The following KCNQ3 variants were observed in gnomAD, a reference collection of about 807,000 sequenced individuals.
KCNQ3 encodes potassium voltage-gated channel subfamily Q member 3.
A neutral mutation model predicts 92.5 loss-of-function variants in KCNQ3; 30 were observed. The ratio of observed to expected loss-of-function variants is 0.32; its 90% CI spans 0.24 to 0.44. The LOEUF (loss-of-function observed/expected upper bound fraction) is 0.44. KCNQ3 is among the 20% of genes least tolerant of loss of function. The pLI is 1.00. For missense variants in KCNQ3, 913 were observed against 1,140.3 expected (o/e 0.80, Z 2.87); for synonymous variants, 450 against 468.8 (o/e 0.96, Z 0.52).
intron 9 of KCNQ3, among the ~76,000 whole-genome samples, chr8:132,150,957 G>A (rs565270189): frequency 1.0e-4 from 14 of 136,810 alleles, no homozygotes; most frequent in South Asian, 2.2e-4. Flanking sequence ...GGCTTTAATC[G>A]TTGAAAAATA....
intron 1 of KCNQ3, among the ~76,000 whole-genome samples, chr8:132,451,276 C>T (rs1421928049): frequency 6.6e-6 from 1 of 152,194 alleles, no homozygotes; most frequent in Admixed American, 6.5e-5. Context: ...TGAGGCCTCC[C>T]CAGCCACGTG....
chr8:132,166,423 C>T (rs2130091003), intron 8 of KCNQ3, among the ~76,000 whole-genome samples: 1 of 152,282 alleles, frequency 6.6e-6, no homozygotes, highest in East Asian at 1.9e-4. Context: ...TGCCATCACT[C>T]CTACCCCAGC....
At chr8:132,234,139 C>G (rs1814728610) in intron 1 of KCNQ3, among the ~76,000 whole-genome samples, 1 of 152,152 alleles carries the variant, frequency 6.6e-6, no homozygotes, top group Admixed American at 6.5e-5. Flanking sequence ...CATAGCTCAA[C>G]AGTGCACAGA....
chr8:132,265,708 CCT>C (rs1376951018), intron 1 of KCNQ3, among the ~76,000 whole-genome samples: 1 of 152,176 alleles, frequency 6.6e-6, no homozygotes, highest in Non-Finnish European at 1.5e-5. Flanking sequence ...AAGGCTGGCC[CCT>C]GTGTCTACCA....
chr8:132,195,692 C>G (rs1827280992), intron 1 of KCNQ3, among the ~76,000 whole-genome samples: 1 of 152,192 alleles, frequency 6.6e-6, no homozygotes, highest in Non-Finnish European at 1.5e-5. Context: ...AAAGGTAAAC[C>G]AGGTTCCCCC....
At position 132,163,449 on chromosome 8, in the gene KCNQ3, T is replaced by C. The variant is rs1202982894; in HGVS notation, c.1262+19A>G. The C allele has an allele frequency of 4.4e-6, 7 of 1,605,902 alleles. No individual in the cohort carries two copies. The highest frequency in any genetic ancestry group is 3.3e-5 in the South Asian group (3 of 90,936). On this transcript the variant is annotated intron_variant, in intron 9 of 14. Transcript: ENST00000388996. ...TGACACAGAGATGTGAAGAAGGGAA[T>C]TCATAATCAGAAACTTACCTGGATG... is the stretch of plus-strand genomic sequence containing the variant.
intron 1 of KCNQ3, among the ~76,000 whole-genome samples, chr8:132,305,797 C>T (rs1817401520): frequency 6.6e-6 from 1 of 152,132 alleles, no homozygotes; most frequent in Admixed American, 6.5e-5. Context: ...TCTGCCGCTT[C>T]AATATTCCTC....
At chr8:132,208,295 G>C (rs752560199) in intron 1 of KCNQ3, among the ~76,000 whole-genome samples, 1 of 151,834 alleles carries the variant, frequency 6.6e-6, no homozygotes, top group African/African-American at 2.4e-5. Context: ...GGGAGAAAGG[G>C]CGGTCAACAG....
intron 1 of KCNQ3, among the ~76,000 whole-genome samples, chr8:132,305,325 G>A (rs76696163): frequency 0.012 from 1,820 of 152,290 alleles, 27 homozygotes; most frequent in Admixed American, 0.034. Context: ...ATGCTCCACA[G>A]ATAAGACCAC....
At chr8:132,367,373 A>G (rs901876670) in intron 1 of KCNQ3, among the ~76,000 whole-genome samples, 8 of 152,206 alleles carry the variant, frequency 5.3e-5, no homozygotes, top group African/African-American at 1.9e-4. Context: ...GTATCTCACT[A>G]ATAAATTAAG....
At chr8:132,345,923 G>A (rs1818674484) in intron 1 of KCNQ3, among the ~76,000 whole-genome samples, 1 of 151,494 alleles carries the variant, frequency 6.6e-6, no homozygotes, top group South Asian at 2.1e-4. Flanking sequence ...TGGTAATAAC[G>A]TGATGATGAT....
Position 132,122,102 on chromosome 8 carries a change from G to T in KCNQ3, c.*7160C>A, listed in dbSNP as rs540843884. On this transcript the variant is annotated 3_prime_UTR_variant, in exon 15 of 15. Coordinates refer to ENST00000388996, the MANE Select transcript of KCNQ3 (RefSeq NM_004519.4). Reference sequence around the variant, plus strand: ...TAGGGCCTGATTTGAGAGGAAGAAGGGGGAGAGAGAATGAGCTTTCCAGGT... The same window carrying T: ...TAGGGCCTGATTTGAGAGGAAGAAGTGGGAGAGAGAATGAGCTTTCCAGGT... 1 of 152,178 alleles carries T rather than the reference G, an allele frequency of 6.6e-6. No homozygotes were observed. The highest frequency in any genetic ancestry group is 1.5e-5 in the Non-Finnish European group (1 of 68,054). The allele number at this position is 152,178 out of a possible 1,614,324, so 9.4% of individuals were successfully genotyped here. A position where few individuals can be genotyped will look rare whatever the true frequency, so the allele number is the denominator to read the frequency against.
At chr8:132,378,045 CA>C (rs961927098) in intron 1 of KCNQ3, among the ~76,000 whole-genome samples, 1 of 150,746 alleles carries the variant, frequency 6.6e-6, no homozygotes, top group African/African-American at 2.4e-5. Context: ...CACTTTTTTT[CA>C]AAAAAAAGTG....
At chr8:132,388,401 T>C (rs1237720668) in intron 1 of KCNQ3, among the ~76,000 whole-genome samples, 1 of 152,228 alleles carries the variant, frequency 6.6e-6, no homozygotes, top group Admixed American at 6.5e-5. Flanking sequence ...ACAGTGCCAT[T>C]ATTCTAGTTA....
At chr8:132,184,014 A>G (rs1826876462) in intron 3 of KCNQ3, among the ~76,000 whole-genome samples, 1 of 152,086 alleles carries the variant, frequency 6.6e-6, no homozygotes, top group Non-Finnish European at 1.5e-5. Flanking sequence ...CCTGCCAAAT[A>G]AGAATCCCTG....
chr8:132,191,312 C>T (rs1433515674), intron 1 of KCNQ3, among the ~76,000 whole-genome samples: 2 of 152,064 alleles, frequency 1.3e-5, no homozygotes, highest in Non-Finnish European at 2.9e-5. Flanking sequence ...CAGGTGTGCA[C>T]CACCACTCAT....
At chr8:132,157,721 TC>T (rs1229535118) in intron 9 of KCNQ3, among the ~76,000 whole-genome samples, 5 of 152,180 alleles carry the variant, frequency 3.3e-5, no homozygotes, top group African/African-American at 1.2e-4. Flanking sequence ...GCAGGTTTGT[TC>T]CATAGGTATA....
chr8:132,411,003 C>T (rs1421784824), intron 1 of KCNQ3, among the ~76,000 whole-genome samples: 2 of 152,170 alleles, frequency 1.3e-5, no homozygotes, highest in African/African-American at 4.8e-5. Flanking sequence ...GCCTTAAAAG[C>T]CCCCTTTCTA....
intron 1 of KCNQ3, among the ~76,000 whole-genome samples, chr8:132,315,357 G>C (rs1817711744): frequency 6.6e-6 from 1 of 152,128 alleles, no homozygotes; most frequent in Non-Finnish European, 1.5e-5. Flanking sequence ...TGAAGAGGAG[G>C]GGAAAGTCTT....
Sources: gnomAD v4.1 joint callset for allele counts (sites outside exome capture counted in the v4.1 genomes callset) on GRCh38, gnomAD v4.1.1 for gene constraint, MANE v1.5 for transcripts, NCBI Gene and HGNC (gene_info 2026-07-23, HGNC 2026-07-21) for gene names.